Variants in OPCML observed in about 807,000 individuals in gnomAD.
OPCML encodes the protein opioid-binding protein/cell adhesion molecule.
A neutral mutation model predicts 37.8 loss-of-function variants in OPCML; 13 were observed. The observed-to-expected ratio is 0.34, with a 90% CI of 0.22 to 0.55. OPCML has a LOEUF of 0.55. Among genes scored for constraint, OPCML ranks in the 20% least tolerant of loss-of-function variants. The probability of loss-of-function intolerance (pLI) is 0.91; values close to 1 mark genes in which losing one functional copy is unlikely to be tolerated. For synonymous variants in OPCML, 176 were observed against 168.8 expected, an observed-to-expected ratio of 1.04 and a Z score of -0.33; for missense variants, 341 against 435.6, an observed-to-expected ratio of 0.78 and a Z score of 1.93.
intron 1 of OPCML, among the ~76,000 whole-genome samples, chr11:132,978,808 C>T (rs1366745275): frequency 6.6e-6 from 1 of 151,234 alleles, no homozygotes; most frequent in Non-Finnish European, 1.5e-5. Context: ...TGTGTATATA[C>T]ACGCACACAC....
At chr11:132,538,144 A>T (rs2096345891) in intron 3 of OPCML, among the ~76,000 whole-genome samples, 1 of 152,214 alleles carries the variant, frequency 6.6e-6, no homozygotes, top group Non-Finnish European at 1.5e-5. Flanking sequence ...AATAGACAAA[A>T]TTTTAAAACA....
intron 4 of OPCML, among the ~76,000 whole-genome samples, chr11:132,458,812 C>A (rs1263492954): frequency 6.6e-6 from 1 of 152,160 alleles, no homozygotes; most frequent in East Asian, 1.9e-4. Context: ...CCCACATCTG[C>A]TTCCACACTC....
intron 1 of OPCML, among the ~76,000 whole-genome samples, chr11:133,458,766 C>CAAGTGTGTGTATAT: frequency 7.2e-6 from 1 of 139,768 alleles, no homozygotes; most frequent in Non-Finnish European, 1.5e-5. Flanking sequence ...CACATAGATG[C>CAAGTGTGTGTATAT]ACGTGTGTGT....
At chr11:132,642,868 C>T (rs925446708) in intron 3 of OPCML, among the ~76,000 whole-genome samples, 14 of 152,196 alleles carry the variant, frequency 9.2e-5, no homozygotes, top group Non-Finnish European at 1.5e-4. Flanking sequence ...GTAATTGAGA[C>T]TCTTTTCCAT....
Position 132,630,803 on chromosome 11 carries a change from A to C in OPCML, c.379+26284T>G, listed in dbSNP as rs140763404. Among the ~76,000 whole-genome samples the C allele has an allele frequency of 3.1e-3, 479 of 152,364 alleles. 1 individual carries two copies. Among genetic ancestry groups the C allele is most frequent in the Non-Finnish European group, 5.1e-3 (345 of 68,028 alleles). On this transcript the variant is annotated intron_variant, in intron 3 of 7. Transcript: ENST00000524381. ...AGAAATAGGAACGATGTCCACAAAA[A>C]GATTGGCACAACAACATTTATAACA...
chr11:132,929,725 GA>G (rs1404012055), intron 2 of OPCML, among the ~76,000 whole-genome samples: 3 of 152,138 alleles, frequency 2.0e-5, no homozygotes, highest in African/African-American at 7.2e-5. Context: ...ATAACCAAGT[GA>G]GATTTATTTC....
Position 132,826,643 on chromosome 11 carries a change from G to A in OPCML, c.146+116283C>T, listed in dbSNP as rs183113905. The stretch of plus-strand genomic sequence containing the variant: ...GCCTCAAGGTTTTTTAGCTATCAGT[G>A]ATCCACTTGTCTGATTAAAAGATAA... On this transcript the variant is annotated intron_variant, in intron 2 of 7. Coordinates refer to ENST00000524381, the MANE Select transcript of OPCML (RefSeq NM_001012393.5). Among the ~76,000 whole-genome samples the A allele has an allele frequency of 3.3e-5, 5 of 152,276 alleles. No homozygotes were observed. In the East Asian group the frequency reaches 9.7e-4, roughly 29 times the overall value.
intron 1 of OPCML, among the ~76,000 whole-genome samples, chr11:133,193,327 G>T (rs889125184): frequency 1.2e-4 from 18 of 152,144 alleles, no homozygotes; most frequent in South Asian, 2.1e-4. Flanking sequence ...AGCATCTCCC[G>T]CAAAGAACTG....
intron 4 of OPCML, among the ~76,000 whole-genome samples, chr11:132,510,980 T>C (rs1591484069): frequency 6.6e-6 from 1 of 152,110 alleles, no homozygotes; most frequent in African/African-American, 2.4e-5. Context: ...GCCAGTATAA[T>C]AAGACAAGAA....
chr11:133,112,380 T>C (rs928636608), intron 1 of OPCML, among the ~76,000 whole-genome samples: 3 of 146,200 alleles, frequency 2.1e-5, no homozygotes, highest in African/African-American at 7.4e-5. Flanking sequence ...AAAATAAACG[T>C]TGATACTAAA....
chr11:133,458,251 T>A (rs1175236261), intron 1 of OPCML, among the ~76,000 whole-genome samples: 966 of 91,412 alleles, frequency 0.011, 100 homozygotes, highest in African/African-American at 0.075. Flanking sequence ...TATACACATA[T>A]ATATACACGT....
intron 4 of OPCML, among the ~76,000 whole-genome samples, chr11:132,513,192 C>G (rs4937705): frequency 0.2 from 30,398 of 151,702 alleles, 3,128 homozygotes; most frequent in Non-Finnish European, 0.22. Flanking sequence ...TGTTAGAAAT[C>G]TGAGAAAATT....
intron 1 of OPCML, among the ~76,000 whole-genome samples, chr11:133,118,723 C>T (rs1949376014): frequency 6.6e-6 from 1 of 152,114 alleles, no homozygotes; most frequent in African/African-American, 2.4e-5. Flanking sequence ...CTGCAAGCAG[C>T]TCTGCAGTTC....
intron 4 of OPCML, among the ~76,000 whole-genome samples, chr11:132,506,613 C>T (rs985963666): frequency 5.9e-5 from 9 of 152,034 alleles, no homozygotes; most frequent in African/African-American, 2.2e-4. Flanking sequence ...AGGAGGCTGC[C>T]GCAATTCTTA....
intron 1 of OPCML, among the ~76,000 whole-genome samples, chr11:132,989,594 T>A (rs1946737710): frequency 1.4e-5 from 2 of 143,534 alleles, no homozygotes; most frequent in African/African-American, 5.3e-5. Context: ...GATGCCAAGG[T>A]CCTAGAGCGT....
intron 1 of OPCML, among the ~76,000 whole-genome samples, chr11:132,955,112 G>A (rs931451899): frequency 7.9e-5 from 12 of 152,132 alleles, no homozygotes; most frequent in Admixed American, 6.5e-4. Flanking sequence ...AAACAAATGC[G>A]GTCCAGGGTG....
chr11:132,846,793 G>A (rs1262789008), intron 2 of OPCML, among the ~76,000 whole-genome samples: 1 of 152,178 alleles, frequency 6.6e-6, no homozygotes, highest in Admixed American at 6.5e-5. Context: ...TCTAGTGACA[G>A]GGAACTCCCT....
chr11:132,981,668 G>A (rs993196494), intron 1 of OPCML, among the ~76,000 whole-genome samples: 1 of 152,168 alleles, frequency 6.6e-6, no homozygotes, highest in Non-Finnish European at 1.5e-5. Flanking sequence ...AAAAGACAGC[G>A]ATGGATGCCA....
At chr11:132,463,724 A>G (rs1272262712) in intron 4 of OPCML, among the ~76,000 whole-genome samples, 1 of 152,192 alleles carries the variant, frequency 6.6e-6, no homozygotes, top group Non-Finnish European at 1.5e-5. Flanking sequence ...ATAGTCCCCA[A>G]ACTTTGCTGG....
Sources: gnomAD v4.1 joint callset for allele counts (sites outside exome capture counted in the v4.1 genomes callset) on GRCh38, gnomAD v4.1.1 for gene constraint, MANE v1.5 for transcripts, NCBI Gene and HGNC (gene_info 2026-07-23, HGNC 2026-07-21) for gene names.